The following CSMD1 variants were observed in gnomAD, a reference collection of about 807,000 sequenced individuals.
CSMD1 encodes the protein CUB and Sushi multiple domains 1.
CSMD1 carries 213 observed loss-of-function variants against 417.5 expected under a neutral mutation model. The ratio of observed to expected loss-of-function variants is 0.51; its 90% CI spans 0.46 to 0.57. CSMD1 has a LOEUF of 0.57. Ranked by LOEUF, CSMD1 falls within the 20% of genes least tolerant of loss-of-function variation. CSMD1 has a pLI of 0.00. For synonymous variants in CSMD1, 2,862 were observed against 1,736.8 expected (o/e 1.65, Z -16.11); for missense variants, 6,923 against 4,529.7 (o/e 1.53, Z -15.17).
At chr8:3,503,617 C>A (rs1202119093) in intron 10 of CSMD1, among the ~76,000 whole-genome samples, 1 of 152,184 alleles carries the variant, frequency 6.6e-6, no homozygotes, top group African/African-American at 2.4e-5. Flanking sequence ...TTAAATGGTA[C>A]ATAAATTACC....
chr8:4,004,815 G>A (rs899604067), intron 4 of CSMD1, among the ~76,000 whole-genome samples: 2 of 152,104 alleles, frequency 1.3e-5, no homozygotes, highest in Non-Finnish European at 2.9e-5. Context: ...CGCGATCTTG[G>A]CTCACTGTAA....
intron 7 of CSMD1, among the ~76,000 whole-genome samples, chr8:3,691,927 C>G (rs1272175753): frequency 6.6e-6 from 1 of 152,138 alleles, no homozygotes; most frequent in Non-Finnish European, 1.5e-5. Flanking sequence ...AAAACACACT[C>G]CAATATTATT....
At chr8:3,471,979 A>G (rs1217099316) in intron 11 of CSMD1, among the ~76,000 whole-genome samples, 1 of 152,054 alleles carries the variant, frequency 6.6e-6, no homozygotes, top group Non-Finnish European at 1.5e-5. Flanking sequence ...AGGTGATGTC[A>G]GCACCCTACT....
At chr8:4,237,372 T>C (rs962168730) in intron 3 of CSMD1, among the ~76,000 whole-genome samples, 1 of 152,042 alleles carries the variant, frequency 6.6e-6, no homozygotes, top group African/African-American at 2.4e-5. Context: ...TGAGACTCAG[T>C]TTCCGTTTAT....
chr8:3,459,393 C>A (rs7013944), intron 12 of CSMD1, among the ~76,000 whole-genome samples: 93,792 of 151,534 alleles, frequency 0.62, 29,157 homozygotes, highest in South Asian at 0.67. Flanking sequence ...CCTTCTCATA[C>A]AACTTCCTTG....
intron 10 of CSMD1, among the ~76,000 whole-genome samples, chr8:3,494,703 AGAG>A (rs1213129643): frequency 1.7e-3 from 258 of 152,122 alleles, no homozygotes; most frequent in African/African-American, 5.9e-3. Flanking sequence ...TAAATGAGAG[AGAG>A]AGAGATGTAA....
chr8:4,323,069 A>T (rs1172601422), intron 3 of CSMD1, among the ~76,000 whole-genome samples: 3 of 150,300 alleles, frequency 2.0e-5, no homozygotes, highest in African/African-American at 7.3e-5. Flanking sequence ...ACAAATAGAG[A>T]GTTAAGCAGC....
chr8:4,864,773 T>A (rs961831543), intron 1 of CSMD1, among the ~76,000 whole-genome samples: 1 of 151,582 alleles, frequency 6.6e-6, no homozygotes, highest in Non-Finnish European at 1.5e-5. Flanking sequence ...ATTATTTTCA[T>A]ACGTTAGCTA....
chr8:4,503,169 C>A (rs1802346695), intron 2 of CSMD1, among the ~76,000 whole-genome samples: 1 of 152,134 alleles, frequency 6.6e-6, no homozygotes, highest in Non-Finnish European at 1.5e-5. Context: ...AATATATAGT[C>A]TCTCTTATCA....
intron 36 of CSMD1, among the ~76,000 whole-genome samples, chr8:3,183,805 C>A (rs1445036698): frequency 1.3e-5 from 2 of 152,182 alleles, no homozygotes; most frequent in African/African-American, 4.8e-5. Context: ...CCTTAACTGG[C>A]GTGCATTCTA....
chr8:3,841,367 A>T (rs556949153), intron 5 of CSMD1, among the ~76,000 whole-genome samples: 2 of 152,268 alleles, frequency 1.3e-5, no homozygotes, highest in South Asian at 2.1e-4. Flanking sequence ...TGCTTTCGTT[A>T]TGTGGTTCTC....
intron 3 of CSMD1, among the ~76,000 whole-genome samples, chr8:4,208,150 A>G (rs932537061): frequency 2.0e-5 from 3 of 152,180 alleles, no homozygotes; most frequent in African/African-American, 7.2e-5. Flanking sequence ...ACATATCCAA[A>G]CATATTGTGG....
chr8:4,819,421 C>A (rs1370349777), intron 1 of CSMD1, among the ~76,000 whole-genome samples: 1 of 151,464 alleles, frequency 6.6e-6, no homozygotes, highest in African/African-American at 2.4e-5. Context: ...CTTCATAGAG[C>A]AAATAAAATT....
chr8:3,988,575 T>C (rs569042321), intron 5 of CSMD1, among the ~76,000 whole-genome samples: 7 of 152,332 alleles, frequency 4.6e-5, no homozygotes, highest in African/African-American at 1.7e-4. Flanking sequence ...GTCTGCATTT[T>C]GAAAAGATCT....
At chr8:4,867,561 A>G (rs1248867378) in intron 1 of CSMD1, among the ~76,000 whole-genome samples, 1 of 152,088 alleles carries the variant, frequency 6.6e-6, no homozygotes, top group African/African-American at 2.4e-5. Flanking sequence ...GGATAGTCCC[A>G]GAGCAGCCAT....
At chr8:4,008,148 C>T (rs2740962) in intron 4 of CSMD1, among the ~76,000 whole-genome samples, 74,634 of 151,958 alleles carry the variant, frequency 0.49, 18,520 homozygotes, top group East Asian at 0.61. Context: ...ACAAAATAGT[C>T]ACAGCAAAAC....
At chr8:4,637,081 C>G (rs1434948858) in intron 2 of CSMD1, among the ~76,000 whole-genome samples, 1 of 152,236 alleles carries the variant, frequency 6.6e-6, no homozygotes, top group Admixed American at 6.5e-5. Flanking sequence ...ACGGGTTGGT[C>G]TCCCTTGCTG....
intron 37 of CSMD1, among the ~76,000 whole-genome samples, chr8:3,170,389 T>C (rs1820505394): frequency 6.6e-6 from 1 of 152,134 alleles, no homozygotes; most frequent in Non-Finnish European, 1.5e-5. Context: ...TTTGTATTTT[T>C]AGTAGAGACG....
chr8:3,833,728 T>G (rs903441721), intron 5 of CSMD1, among the ~76,000 whole-genome samples: 1 of 152,158 alleles, frequency 6.6e-6, no homozygotes, highest in African/African-American at 2.4e-5. Context: ...AGGTCTATGT[T>G]GGCACTTACA....
Sources: gnomAD v4.1 joint callset for allele counts (sites outside exome capture counted in the v4.1 genomes callset) on GRCh38, gnomAD v4.1.1 for gene constraint, MANE v1.5 for transcripts, NCBI Gene and HGNC (gene_info 2026-07-23, HGNC 2026-07-21) for gene names.